The following FAM76B variants were observed in gnomAD, a reference collection of about 807,000 sequenced individuals.
FAM76B encodes protein FAM76B.
In FAM76B, 16 loss-of-function variants were observed where a neutral mutation model predicts 51.8. The observed-to-expected ratio is 0.31, with a 90% CI of 0.21 to 0.47. The LOEUF (loss-of-function observed/expected upper bound fraction) is 0.47. Ranked by LOEUF, FAM76B falls within the 20% of genes least tolerant of loss-of-function variation. The pLI is 1.00. For missense variants in FAM76B, 342 were observed against 392.6 expected (o/e 0.87, Z 1.09); for synonymous variants, 166 against 129.5 (o/e 1.28, Z -1.91).
chr11:95,775,305 GATT>G (rs931469079), intron 9 of FAM76B, among the ~76,000 whole-genome samples: 24 of 151,614 alleles, frequency 1.6e-4, no homozygotes, highest in African/African-American at 5.8e-4. Flanking sequence ...CCAGACATCA[GATT>G]ATTACTGTGG....
chr11:95,783,794 C>A (rs1004123445), intron 4 of FAM76B, among the ~76,000 whole-genome samples: 2 of 152,214 alleles, frequency 1.3e-5, no homozygotes, highest in African/African-American at 4.8e-5. Context: ...GTGGCCACTG[C>A]ACACATACAC....
chr11:95,787,707 T>C, intron 2 of FAM76B, 29 bp from the exon 3 acceptor site: 1 of 1,537,782 alleles, frequency 6.5e-7, no homozygotes, highest in South Asian at 1.2e-5. Flanking sequence ...ATAGATCATG[T>C]TTATGTAGCT....
At position 95,779,683 on chromosome 11, in the gene FAM76B, T is replaced by A. The variant is rs774068137; in HGVS notation, c.616A>T (p.Lys206Ter). 6.2e-7 allele frequency: 1 copy of A among 1,609,024 alleles called. No individual in the cohort carries two copies. Among genetic ancestry groups the A allele is most frequent in the Non-Finnish European group, 8.5e-7 (1 of 1,177,716 alleles). ...TCATTCTGAATTGTTGCAGAGGATT[T>A]ATGGCTGAAACCAAACATTAATAAG... is the stretch of plus-strand genomic sequence containing the variant. The part of the protein sequence containing the change: ...EEQGLWKQSH[K>*]SSATIQNETP... Residue 206 changes from lysine to a stop codon, truncating the protein, a stop_gained, in exon 7 of 10, where the codon AAA becomes TAA. Transcript: ENST00000358780. LOFTEE classifies it high-confidence loss of function.
At chr11:95,775,024 A>G (rs1029430985) in intron 9 of FAM76B, among the ~76,000 whole-genome samples, 1 of 151,282 alleles carries the variant, frequency 6.6e-6, no homozygotes, top group African/African-American at 2.4e-5. Flanking sequence ...AACAAAATGA[A>G]ACAGGACAGT....
At position 95,770,970 on chromosome 11, in the gene FAM76B, C is replaced by T. The variant is rs998312424; in HGVS notation, c.*591G>A. ...TGTACAATAAACATTAATTCCTATA[C>T]CAATAATGAAAATGCTAGGTTACTA... On this transcript the variant is annotated 3_prime_UTR_variant, in exon 10 of 10. Coordinates refer to ENST00000358780, the MANE Select transcript of FAM76B (RefSeq NM_144664.5). 2.0e-5 allele frequency: 3 copies of T among 151,304 alleles called. No individual in the cohort carries two copies. The highest frequency in any genetic ancestry group is 3.0e-5 in the Non-Finnish European group (2 of 67,284). The allele number at this position is 151,304 out of a possible 1,614,324, so 9.4% of individuals were successfully genotyped here. A position where few individuals can be genotyped will look rare whatever the true frequency, so the allele number is the denominator to read the frequency against.
At chr11:95,783,689 A>G (rs1458699782) in intron 4 of FAM76B, among the ~76,000 whole-genome samples, 1 of 152,386 alleles carries the variant, frequency 6.6e-6, no homozygotes, top group East Asian at 1.9e-4. Flanking sequence ...TGACACACAG[A>G]GTTGCTTCTC....
chr11:95,784,098 T>C (rs1312494223), intron 4 of FAM76B, among the ~76,000 whole-genome samples: 1 of 152,200 alleles, frequency 6.6e-6, no homozygotes, highest in Non-Finnish European at 1.5e-5. Context: ...CATGGAATAC[T>C]ATGCAGCTAT....
chr11:95,789,254 C>G (rs1050288599), intron 1 of FAM76B, 138 bp downstream of exon 1: 2 of 1,033,020 alleles, frequency 1.9e-6, no homozygotes, highest in African/African-American at 3.3e-5. Context: ...AAAGGGGTCC[C>G]CGAGTGGGGA....
intron 9 of FAM76B, 54 bp downstream of exon 9, chr11:95,775,868 T>C (rs1012045391): frequency 3.4e-6 from 4 of 1,168,780 alleles, no homozygotes; most frequent in African/African-American, 1.6e-5. Flanking sequence ...ATGAATGCTA[T>C]TACTCAAGTT....
Position 95,789,504 on chromosome 11 carries a change from C to T in FAM76B, c.-26G>A. On this transcript the variant is annotated 5_prime_UTR_variant, in exon 1 of 10. Transcript: ENST00000358780. ...CCTGCTCCTCAGTCTCCTCCTCCGC[C>T]GCCGCCCGCTCCGAGGCGGGGCCCT... 6.3e-7 allele frequency: 1 copy of T among 1,576,114 alleles called. No homozygotes were observed. Among genetic ancestry groups the T allele is most frequent in the Non-Finnish European group, 8.6e-7 (1 of 1,161,746 alleles).
At chr11:95,786,078 A>AC in intron 4 of FAM76B, 41 bp downstream of exon 4, 1 of 1,578,144 alleles carries the variant, frequency 6.3e-7, no homozygotes, top group Non-Finnish European at 8.6e-7. Flanking sequence ...TTGGCATTTT[A>AC]TTTAATTTCC....
chr11:95,787,160 T>A (rs943280962), intron 3 of FAM76B, among the ~76,000 whole-genome samples: 1 of 152,222 alleles, frequency 6.6e-6, no homozygotes, highest in Non-Finnish European at 1.5e-5. Context: ...TTAAATGTTA[T>A]CACCTTTCCA....
At chr11:95,775,438 G>A (rs1032122546) in intron 9 of FAM76B, among the ~76,000 whole-genome samples, 2 of 151,260 alleles carry the variant, frequency 1.3e-5, no homozygotes, top group East Asian at 1.9e-4. Context: ...GGCACTTTGC[G>A]AACCACTGTA....
rs570529807 is a variant in FAM76B, at chr11:95,770,486, A to C, written c.*1075T>G. ...TACATGGATCATTGCAGAAACATTA[A>C]AATTTTTAAAAAATTTTATAAAATA... is the stretch of plus-strand genomic sequence containing the variant. On this transcript the variant is annotated 3_prime_UTR_variant, in exon 10 of 10. Transcript: ENST00000358780. The C allele has an allele frequency of 9.7e-4, 148 of 151,906 alleles. No individual in the cohort carries two copies. Among genetic ancestry groups the C allele is most frequent in the African/African-American group, 3.4e-3 (141 of 41,488 alleles). The allele number at this position is 151,906 out of a possible 1,614,324, so 9.4% of individuals were successfully genotyped here.
intron 3 of FAM76B, chr11:95,786,493 T>TC: frequency 2.2e-6 from 1 of 445,348 alleles, no homozygotes. Flanking sequence ...TACTCTAAGA[T>TC]CGTGAGAAAT....
Position 95,786,285 on chromosome 11 carries a change from T to C in FAM76B, c.208-11A>G, listed in dbSNP as rs776836967. ...CTGACAAGGCTTGGGCTGAAAAACA[T>C]ACACATTTTGAGACTTTTAAAAACA... On this transcript the variant is annotated splice_polypyrimidine_tract_variant and intron_variant, in intron 3 of 9. Coordinates refer to ENST00000358780, the MANE Select transcript of FAM76B (RefSeq NM_144664.5). The C allele has an allele frequency of 4.3e-6, 7 of 1,613,280 alleles. No individual in the cohort carries two copies. In the East Asian group the frequency reaches 1.1e-4, roughly 26 times the overall value.
chr11:95,787,787 G>A (rs1860682321), intron 2 of FAM76B, 109 bp from the exon 3 acceptor site: 2 of 874,184 alleles, frequency 2.3e-6, no homozygotes, highest in South Asian at 3.4e-5. Flanking sequence ...ACTTTAATAA[G>A]GACCACGGAT....
Position 95,786,122 on chromosome 11 carries a change from T to G in FAM76B, c.360A>C (p.Arg120Ser), listed in dbSNP as rs1257455890. ...TCATAACATAAATAAAGCATACCTT[T>G]CTTCTTCCTTCCTCCTTCCGATCAA... ...CAFDRKEEGR[R>S]KVDGKLLCWL... The change falls in exon 4 of 10, where the codon AGA (arginine) becomes AGC (serine). Residue 120 changes from arginine (R) to serine (S), a missense_variant. By Grantham distance (110) the Arg-to-Ser change is moderately radical. This residue lies in a region of FAM76B where 230 missense variants were observed against 257.4 expected (regional missense o/e 0.89). Transcript: ENST00000358780. The G allele has an allele frequency of 6.2e-7, 1 of 1,606,506 alleles. No homozygotes were observed. Among genetic ancestry groups the G allele is most frequent in the East Asian group, 2.2e-5 (1 of 44,750 alleles).
rs1051962333 is a variant in FAM76B, at chr11:95,770,836, C to T, written c.*725G>A. ...ATGATTTTAAAACAAAATGTATGTACAAAAGATCAGCATTCCTATAAATAA... is the reference window on the plus strand; with the variant it reads ...ATGATTTTAAAACAAAATGTATGTATAAAAGATCAGCATTCCTATAAATAA... On this transcript the variant is annotated 3_prime_UTR_variant, in exon 10 of 10. Transcript: ENST00000358780. The T allele has an allele frequency of 1.3e-5, 2 of 151,694 alleles. No individual in the cohort carries two copies. The highest frequency in any genetic ancestry group is 3.9e-4 in the East Asian group (2 of 5,176). 9.4% of individuals were successfully genotyped at this position (151,694 alleles called of 1,614,324 possible).
Sources: allele counts gnomAD v4.1 joint callset (sites outside exome capture counted in the v4.1 genomes callset), GRCh38; gene constraint gnomAD v4.1.1; regional missense constraint gnomAD v4.1.1; transcripts MANE v1.5; gene names NCBI Gene and HGNC (gene_info 2026-07-23, HGNC 2026-07-21).